Variants in HMBOX1 observed in about 807,000 individuals in gnomAD.
HMBOX1 encodes the protein homeobox containing 1.
In HMBOX1, 14 loss-of-function variants were observed where a neutral mutation model predicts 54.5. That is an observed-to-expected ratio of 0.26 (90% CI 0.17 to 0.40). The LOEUF (loss-of-function observed/expected upper bound fraction) is 0.40, where lower values mean the gene tolerates loss of function less well. Among genes scored for constraint, HMBOX1 ranks in the 10% least tolerant of loss-of-function variants. HMBOX1 has a pLI of 1.00. For synonymous variants in HMBOX1, 160 were observed against 181.0 expected (o/e 0.88, Z 0.93); for missense variants, 332 against 514.4 (o/e 0.65, Z 3.43).
Position 28,947,089 on chromosome 8 carries a change from C to T in HMBOX1, c.-57-16722C>T, listed in dbSNP as rs114419071. Among the ~76,000 whole-genome samples the T allele has an allele frequency of 3.4e-3, 516 of 152,110 alleles. 3 individuals are homozygous for T. Among genetic ancestry groups the T allele is most frequent in the African/African-American group, 0.012 (489 of 41,480 alleles). ...TATCTGTAGCCCAGGTTTTTAAAGA[C>T]GGGTGTGTAAGAAAGATGTATGTTC... On this transcript the variant is annotated intron_variant, in intron 1 of 9. Coordinates refer to ENST00000287701, the MANE Select transcript of HMBOX1 (RefSeq NM_001135726.3).
intron 6 of HMBOX1, among the ~76,000 whole-genome samples, chr8:29,022,643 C>T (rs7005598): frequency 0.031 from 4,681 of 152,038 alleles, 255 homozygotes; most frequent in African/African-American, 0.11. Context: ...CAGGATATAA[C>T]ATTAAGTTTA....
chr8:29,028,063 CCT>C (rs558855684), intron 6 of HMBOX1, among the ~76,000 whole-genome samples: 22 of 152,150 alleles, frequency 1.4e-4, no homozygotes, highest in African/African-American at 4.1e-4. Flanking sequence ...TGTTTTAACC[CCT>C]GTCAGTCTCC....
In HMBOX1 at chr8:29,009,769, A is replaced by T; in HGVS notation, c.697+587A>T. On this transcript the variant is annotated intron_variant, in intron 5 of 9. Transcript: ENST00000287701. ...TTAAGAAAACTAAGATGACAAAAAAATTTATGTCTAGAGTTGGAAGAAGTA... is the reference window on the plus strand; with the variant it reads ...TTAAGAAAACTAAGATGACAAAAAATTTTATGTCTAGAGTTGGAAGAAGTA... 1.7e-5 allele frequency: 22 copies of T among 1,278,146 alleles called. No homozygotes were observed. The South Asian group carries it at 2.8e-4, about 16-fold the overall frequency. The allele number at this position is 1,278,146 out of a possible 1,614,324, so 79.2% of individuals were successfully genotyped here. A position where few individuals can be genotyped will look rare whatever the true frequency, so the allele number is the denominator to read the frequency against.
intron 4 of HMBOX1, among the ~76,000 whole-genome samples, chr8:28,981,244 T>G (rs1829292970): frequency 6.6e-6 from 1 of 152,202 alleles, no homozygotes; most frequent in South Asian, 2.1e-4. Context: ...ATTACACTAG[T>G]AATATATTTT....
intron 1 of HMBOX1, among the ~76,000 whole-genome samples, chr8:28,951,273 C>T (rs143073004): frequency 2.6e-5 from 4 of 152,302 alleles, no homozygotes; most frequent in African/African-American, 9.6e-5. Context: ...GCTGGAACTA[C>T]AGGCGCATGC....
chr8:28,970,404 A>T lies in HMBOX1; in HGVS notation c.385A>T (p.Asn129Tyr). Residue 129 changes from asparagine to tyrosine, a missense_variant, in exon 3 of 10, where the codon AAT becomes TAT. By Grantham distance (143) the Asn-to-Tyr change is moderately radical. This residue lies in a region of HMBOX1 where 146 missense variants were observed against 173.3 expected (regional missense o/e 0.84). Coordinates refer to ENST00000287701, the MANE Select transcript of HMBOX1 (RefSeq NM_001135726.3). The surrounding 1 kb of genome is among the most constrained non-coding windows in gnomAD (Gnocchi z 4.3). Reference protein sequence around the residue: ...RENNERLSTSNGKMSPTRYHA... With the variant: ...RENNERLSTSYGKMSPTRYHA... ...GAATAATGAGCGATTATCTACATCC[A>T]ATGGAAAGATGTCACCAACTCGCTA... 1 of 1,614,174 alleles carries T rather than the reference A, an allele frequency of 6.2e-7. No individual in the cohort carries two copies. The highest frequency in any genetic ancestry group is 8.5e-7 in the Non-Finnish European group (1 of 1,179,976).
chr8:29,018,865 G>A lies in HMBOX1; in HGVS notation c.803G>A (p.Arg268Gln). 6.2e-7 allele frequency: 1 copy of A among 1,614,144 alleles called. No individual in the cohort carries two copies. The highest frequency in any genetic ancestry group is 8.5e-7 in the Non-Finnish European group (1 of 1,180,008). ...ACATCTGGTACTTTCCGACTGCGACGAGGGAGTCGATTTACCTGGAGAAAG... is the reference window on the plus strand; with the variant it reads ...ACATCTGGTACTTTCCGACTGCGACAAGGGAGTCGATTTACCTGGAGAAAG... ...SATSGTFRLR[R>Q]GSRFTWRKEC... is the part of the protein sequence containing the mutation. The change falls in exon 6 of 10, where the codon CGA (arginine) becomes CAA (glutamine). Residue 268 changes from arginine (R) to glutamine (Q), a missense_variant. Physicochemically the swap from Arg to Gln is conservative, Grantham distance 43. Around this residue, in one of 4 missense-constraint regions of HMBOX1, gnomAD observed 117 missense variants for 220.0 expected, o/e 0.53. Transcript: ENST00000287701.
chr8:28,922,055 A>G (rs1014853876), intron 1 of HMBOX1, among the ~76,000 whole-genome samples: 2 of 152,222 alleles, frequency 1.3e-5, no homozygotes, highest in African/African-American at 4.8e-5. Context: ...GCCTGGAAAT[A>G]TAGTTGGTTC....
At chr8:28,998,651 G>A (rs1199350180) in intron 4 of HMBOX1, among the ~76,000 whole-genome samples, 1 of 151,966 alleles carries the variant, frequency 6.6e-6, no homozygotes, top group African/African-American at 2.4e-5. Flanking sequence ...ATTATGATAA[G>A]GAAGAATTTA....
chr8:28,950,533 G>A (rs1019593747), intron 1 of HMBOX1, among the ~76,000 whole-genome samples: 4 of 152,170 alleles, frequency 2.6e-5, no homozygotes, highest in African/African-American at 9.7e-5. Flanking sequence ...AAACAGTGGC[G>A]GCTCCTTAGA....
intron 6 of HMBOX1, among the ~76,000 whole-genome samples, chr8:29,020,740 G>T (rs1236082994): frequency 6.6e-6 from 1 of 152,088 alleles, no homozygotes; most frequent in African/African-American, 2.4e-5. Flanking sequence ...CTGTAAAAAT[G>T]GAACTTTTTG....
Position 28,970,585 on chromosome 8 carries a change from A to C in HMBOX1, c.500+66A>C. On this transcript the variant is annotated intron_variant, in intron 3 of 9. Transcript: ENST00000287701. The surrounding 1 kb of genome is among the most constrained non-coding windows in gnomAD (Gnocchi z 4.3). ...TATTCTTAGATTGTTTTTAAGTAGT[A>C]TGCTGCGTTTCAGCTACTTAGCTAT... The C allele has an allele frequency of 9.8e-7, 1 of 1,021,780 alleles. No homozygotes were observed. Among genetic ancestry groups the C allele is most frequent in the Non-Finnish European group, 1.4e-6 (1 of 696,454 alleles). 63.3% of individuals were successfully genotyped at this position (1,021,780 alleles called of 1,614,324 possible).
At chr8:28,901,911 G>C (rs1322553955) in intron 1 of HMBOX1, among the ~76,000 whole-genome samples, 1 of 152,050 alleles carries the variant, frequency 6.6e-6, no homozygotes, top group Non-Finnish European at 1.5e-5. Context: ...TATCTTACTA[G>C]TTAAAACCTT....
intron 1 of HMBOX1, among the ~76,000 whole-genome samples, chr8:28,904,681 T>C (rs1291145426): frequency 1.3e-5 from 2 of 151,724 alleles, no homozygotes; most frequent in Admixed American, 6.6e-5. Flanking sequence ...CTCTTCACAC[T>C]CTTTTTTTTT....
Position 29,018,925 on chromosome 8 carries a change from C to T in HMBOX1, c.851+12C>T, listed in dbSNP as rs1800745195. ...GCTGTTATGGAAAGGTATGTGTCTCCTTTTTCTACGAATGATCTCCCAAAC... is the reference window on the plus strand; with the variant it reads ...GCTGTTATGGAAAGGTATGTGTCTCTTTTTTCTACGAATGATCTCCCAAAC... On this transcript the variant is annotated intron_variant, in intron 6 of 9. Coordinates refer to ENST00000287701, the MANE Select transcript of HMBOX1 (RefSeq NM_001135726.3). 1 of 1,613,334 alleles carries T rather than the reference C, an allele frequency of 6.2e-7. No individual in the cohort carries two copies. Among genetic ancestry groups the T allele is most frequent in the Non-Finnish European group, 8.5e-7 (1 of 1,179,438 alleles).
chr8:29,038,768 C>T (rs1469952765), intron 6 of HMBOX1, among the ~76,000 whole-genome samples: 2 of 152,208 alleles, frequency 1.3e-5, no homozygotes, highest in African/African-American at 4.8e-5. Flanking sequence ...CCTCTAATAT[C>T]AGCAGAGATA....
intron 1 of HMBOX1, among the ~76,000 whole-genome samples, chr8:28,897,080 G>T (rs191172089): frequency 2.4e-3 from 363 of 151,738 alleles, no homozygotes; most frequent in African/African-American, 8.1e-3. Context: ...TGCCACCCAG[G>T]TTCAAGTGAT....
At chr8:28,900,690 A>AT (rs1287544217) in intron 1 of HMBOX1, among the ~76,000 whole-genome samples, 16 of 152,054 alleles carry the variant, frequency 1.1e-4, no homozygotes. Context: ...TAAACTCTGT[A>AT]TTTTTGTATA....
intron 2 of HMBOX1, among the ~76,000 whole-genome samples, chr8:28,967,014 G>A (rs1228642364): frequency 1.3e-5 from 2 of 152,164 alleles, no homozygotes; most frequent in African/African-American, 2.4e-5. Context: ...TTTCTCCATC[G>A]CTCTGTTCCA....
Sources: gnomAD v4.1 joint callset for allele counts (sites outside exome capture counted in the v4.1 genomes callset) on GRCh38, gnomAD v4.1.1 for gene constraint, gnomAD v4.1.1 regional missense constraint, Gnocchi (gnomAD v3.1) non-coding constraint, MANE v1.5 for transcripts, NCBI Gene and HGNC (gene_info 2026-07-23, HGNC 2026-07-21) for gene names.